The following DOCK8 variants were observed in gnomAD, a reference collection of about 807,000 sequenced individuals.
DOCK8 encodes dedicator of cytokinesis 8.
Under a neutral mutation model 245.6 loss-of-function variants are expected in DOCK8, and 141 were observed. That is an observed-to-expected ratio of 0.57 (90% CI 0.50 to 0.66). The LOEUF (loss-of-function observed/expected upper bound fraction) is 0.66. Ranked by LOEUF, DOCK8 falls within the 30% of genes least tolerant of loss-of-function variation. The pLI, the probability that DOCK8 is intolerant of heterozygous loss-of-function variation, is 0.00. For synonymous variants in DOCK8, 1,168 were observed against 970.2 expected, an observed-to-expected ratio of 1.20 and a Z score of -3.79; for missense variants, 2,965 against 2,603.4, an observed-to-expected ratio of 1.14 and a Z score of -3.02.
At chr9:253,214 G>T (rs533144704) in intron 1 of DOCK8, among the ~76,000 whole-genome samples, 43 of 152,146 alleles carry the variant, frequency 2.8e-4, no homozygotes, top group Non-Finnish European at 5.4e-4. Context: ...TTAGTCTGAT[G>T]TAGGAATATC....
chr9:316,171 A>G (rs796490964), intron 6 of DOCK8, among the ~76,000 whole-genome samples: 8 of 152,298 alleles, frequency 5.3e-5, no homozygotes, highest in African/African-American at 1.9e-4. Context: ...TGGGGTATTC[A>G]CTGGAAAGCT....
chr9:236,218 C>T (rs1332026857), intron 1 of DOCK8, among the ~76,000 whole-genome samples: 1 of 152,094 alleles, frequency 6.6e-6, no homozygotes, highest in East Asian at 1.9e-4. Flanking sequence ...TCCTAAAACT[C>T]TGTACAGTGA....
rs138708079 is a variant in DOCK8, at chr9:392,946, T to A, written c.2970+2380T>A. 1.1e-4 allele frequency among the ~76,000 whole-genome samples: 17 copies of A among 151,530 alleles called. 1 individual carries two copies. The highest frequency in any genetic ancestry group is 4.1e-4 in the African/African-American group (17 of 41,360). Reference sequence around the variant, plus strand: ...TGCAAAAATGAAAAAATTACCTGGGTGTGGTAACATGTGCTTGTAGTCTCA... The same window carrying A: ...TGCAAAAATGAAAAAATTACCTGGGAGTGGTAACATGTGCTTGTAGTCTCA... On this transcript the variant is annotated intron_variant, in intron 24 of 47. Transcript: ENST00000432829.
At chr9:234,694 A>G (rs10117903) in intron 1 of DOCK8, among the ~76,000 whole-genome samples, 1 of 152,210 alleles carries the variant, frequency 6.6e-6, no homozygotes, top group Non-Finnish European at 1.5e-5. Context: ...CACATCGGCT[A>G]CTGAGGCTTC....
chr9:293,709 A>G (rs1236765179), intron 4 of DOCK8, among the ~76,000 whole-genome samples: 1 of 152,210 alleles, frequency 6.6e-6, no homozygotes, highest in East Asian at 1.9e-4. Context: ...TTCAGGCATT[A>G]AGTTATCTCT....
intron 2 of DOCK8, chr9:277,026 C>T (rs1192485726): frequency 3.3e-6 from 1 of 302,754 alleles, no homozygotes; most frequent in Non-Finnish European, 7.1e-6. Context: ...CCAGGCTGGT[C>T]TTGAACTCCT....
intron 1 of DOCK8, among the ~76,000 whole-genome samples, chr9:239,071 C>T (rs906044015): frequency 3.9e-5 from 6 of 152,224 alleles, no homozygotes; most frequent in Admixed American, 6.5e-5. Context: ...TCCACACAGA[C>T]GGTGGCTCCA....
intron 29 of DOCK8, 101 bp from the exon 30 acceptor site, chr9:417,966 GT>G: frequency 6.7e-7 from 1 of 1,483,462 alleles, no homozygotes; most frequent in Non-Finnish European, 9.3e-7. Context: ...TGAAATTACT[GT>G]GCTGACTTTA....
intron 26 of DOCK8, 45 bp from the exon 27 acceptor site, chr9:404,873 A>T (rs568766899): frequency 6.2e-7 from 1 of 1,610,856 alleles, no homozygotes; most frequent in Non-Finnish European, 8.5e-7. Flanking sequence ...AACTCCACTT[A>T]CCTTGTAATA....
chr9:326,686 CAG>C (rs1277548830), intron 8 of DOCK8, among the ~76,000 whole-genome samples: 3 of 152,222 alleles, frequency 2.0e-5, no homozygotes, highest in Non-Finnish European at 4.4e-5. Flanking sequence ...CGCAGCCACT[CAG>C]AAATACAGGC....
chr9:224,273 C>T (rs915491400), intron 1 of DOCK8, among the ~76,000 whole-genome samples: 1 of 152,092 alleles, frequency 6.6e-6, no homozygotes, highest in Non-Finnish European at 1.5e-5. Flanking sequence ...AGATTTTTCT[C>T]CCCCGATGAA....
intron 7 of DOCK8, among the ~76,000 whole-genome samples, chr9:317,926 C>G (rs1394299060): frequency 6.6e-6 from 1 of 151,902 alleles, no homozygotes; most frequent in Non-Finnish European, 1.5e-5. Context: ...TTTGCCACAT[C>G]TACTTCAAAG....
At chr9:402,175 T>C (rs928690742) in intron 26 of DOCK8, among the ~76,000 whole-genome samples, 1 of 152,256 alleles carries the variant, frequency 6.6e-6, no homozygotes, top group Non-Finnish European at 1.5e-5. Flanking sequence ...CTGCCTTCCC[T>C]GCAAAACTCA....
At chr9:298,034 C>A (rs1375436030) in intron 4 of DOCK8, among the ~76,000 whole-genome samples, 1 of 152,150 alleles carries the variant, frequency 6.6e-6, no homozygotes, top group African/African-American at 2.4e-5. Flanking sequence ...AAATGGAAGA[C>A]AGAAAAGAAA....
At position 446,951 on chromosome 9, in the gene DOCK8, A is replaced by G. The variant is rs141003291; in HGVS notation, c.5817+345A>G. ...AATATTTTATATAAAATTTTTCTAT[A>G]TTTCAAAGCTTAGAGGTGATTCAAG... is the stretch of plus-strand genomic sequence containing the variant. On this transcript the variant is annotated intron_variant, in intron 44 of 47. Transcript: ENST00000432829. Among the ~76,000 whole-genome samples, 633 of 152,072 alleles carry G rather than the reference A, an allele frequency of 4.2e-3. 4 individuals carry two copies. Among genetic ancestry groups the G allele is most frequent in the African/African-American group, 0.014 (598 of 41,506 alleles).
chr9:300,395 A>G (rs114496760), intron 4 of DOCK8, among the ~76,000 whole-genome samples: 3,167 of 152,256 alleles, frequency 0.021, 104 homozygotes, highest in African/African-American at 0.071. Flanking sequence ...TGGTTTTTCT[A>G]TAGTTCAGGA....
At chr9:450,019 A>C in intron 45 of DOCK8, 92 bp downstream of exon 45, 2 of 1,399,502 alleles carry the variant, frequency 1.4e-6, no homozygotes, top group Non-Finnish European at 2.0e-6. Context: ...GTTGATGAGG[A>C]CTTTGATCCA....
chr9:453,073 T>A (rs114382310), intron 46 of DOCK8: 313 of 152,362 alleles, frequency 2.1e-3, no homozygotes, highest in African/African-American at 7.0e-3. Context: ...GACTAAAAGT[T>A]TGCTAAATTC....
intron 5 of DOCK8, among the ~76,000 whole-genome samples, chr9:306,458 A>T (rs1363305897): frequency 6.6e-6 from 1 of 152,226 alleles, no homozygotes; most frequent in African/African-American, 2.4e-5. Flanking sequence ...TGTTAGTCAG[A>T]TAGAAGCCAC....
Sources: gnomAD v4.1 joint callset for allele counts (sites outside exome capture counted in the v4.1 genomes callset) on GRCh38, gnomAD v4.1.1 for gene constraint, MANE v1.5 for transcripts, NCBI Gene and HGNC (gene_info 2026-07-23, HGNC 2026-07-21) for gene names.